Variants in WIPF2 observed in about 807,000 individuals in gnomAD.
WIPF2 encodes the protein WAS/WASL-interacting protein family member 2.
In WIPF2, 23 loss-of-function variants were observed where a neutral mutation model predicts 38.8. The ratio of observed to expected loss-of-function variants is 0.59; its 90% CI spans 0.43 to 0.84. WIPF2 has a LOEUF of 0.84. WIPF2 is among the 40% of genes least tolerant of loss of function. The pLI, the probability that WIPF2 is intolerant of heterozygous loss-of-function variation, is 0.00. For missense variants in WIPF2, 574 were observed against 580.5 expected (o/e 0.99, Z 0.11); for synonymous variants, 210 against 223.2 (o/e 0.94, Z 0.53).
rs1443177155 is a variant in WIPF2 at position 40,256,410 on chromosome 17, G to A, written c.-50G>A. On this transcript the variant is annotated 5_prime_UTR_variant, in exon 2 of 8. Transcript: ENST00000323571. ...TTGCAGGTATATGAATGACCTAAAG[G>A]TACAAATAAAGACGGAGAGAGAACA... 6.3e-7 allele frequency: 1 copy of A among 1,586,242 alleles called. No homozygotes were observed. Among genetic ancestry groups the A allele is most frequent in the Non-Finnish European group, 8.5e-7 (1 of 1,171,182 alleles).
chr17:40,242,178 G>T (rs917894805), intron 1 of WIPF2, among the ~76,000 whole-genome samples: 2 of 152,158 alleles, frequency 1.3e-5, no homozygotes, highest in East Asian at 1.9e-4. Flanking sequence ...AGGAGTTTGA[G>T]ACTGGCCTGA....
chr17:40,271,929 C>G (rs1454207144), intron 5 of WIPF2, among the ~76,000 whole-genome samples: 1 of 152,014 alleles, frequency 6.6e-6, no homozygotes, highest in Non-Finnish European at 1.5e-5. Flanking sequence ...TTTGACGTTA[C>G]CTTCTACTTG....
intron 3 of WIPF2, among the ~76,000 whole-genome samples, chr17:40,261,682 G>GTTT (rs929999985): frequency 2.8e-5 from 4 of 142,540 alleles, no homozygotes; most frequent in African/African-American, 7.9e-5. Context: ...TTTTTTTTTG[G>GTTT]TTTTTTTTGT....
At chr17:40,271,989 A>G (rs1223462775) in intron 5 of WIPF2, among the ~76,000 whole-genome samples, 1 of 152,116 alleles carries the variant, frequency 6.6e-6, no homozygotes, top group East Asian at 1.9e-4. Flanking sequence ...GGAATCACCA[A>G]AAAGCAGATT....
intron 1 of WIPF2, among the ~76,000 whole-genome samples, chr17:40,236,053 T>C (rs2030955841): frequency 6.7e-6 from 1 of 148,554 alleles, no homozygotes; most frequent in Non-Finnish European, 1.5e-5. Context: ...CCGCCTCCCA[T>C]ATTCAAGCGA....
intron 5 of WIPF2, among the ~76,000 whole-genome samples, chr17:40,265,497 C>CA (rs979330248): frequency 6.6e-6 from 1 of 152,070 alleles, no homozygotes; most frequent in Non-Finnish European, 1.5e-5. Flanking sequence ...GAAAATTTGA[C>CA]AAAGACCTTA....
chr17:40,255,442 CAG>C (rs1241756152), intron 1 of WIPF2, among the ~76,000 whole-genome samples: 6 of 151,838 alleles, frequency 4.0e-5, no homozygotes, highest in Non-Finnish European at 5.9e-5. Context: ...TCTCCTGCCT[CAG>C]CCTCCCGAGT....
rs528401568 is a variant in WIPF2 at position 40,277,723 on chromosome 17, C to CTTTTTTTTTTTTTTTTTTTTTTTTTTTTT, written c.1283-443_1283-442insTTTTTTTTTTTTTTTTTTTTTTTTTTTTT. Among the ~76,000 whole-genome samples the CTTTTTTTTTTTTTTTTTTTTTTTTTTTTT allele has an allele frequency of 7.9e-4, 77 of 97,606 alleles. 10 individuals carry two copies. The highest frequency in any genetic ancestry group is 2.8e-3 in the African/African-American group (51 of 17,934). 64.0% of individuals were successfully genotyped at this position (97,606 alleles called of 152,430 possible). A position where few individuals can be genotyped will look rare whatever the true frequency, so the allele number is the denominator to read the frequency against. ...ATTGCTTCTCATCATCTTCGTTGTC[C>CTTTTTTTTTTTTTTTTTTTTTTTTTTTTT]TTTTTTTTTTTTTTTTTTTGAGATA... is the stretch of plus-strand genomic sequence containing the variant. On this transcript the variant is annotated intron_variant, in intron 7 of 7. Coordinates refer to ENST00000323571, the MANE Select transcript of WIPF2 (RefSeq NM_133264.5).
chr17:40,230,761 T>A lies in WIPF2; in HGVS notation c.-70+11269T>A, dbSNP rs1411198158. On this transcript the variant is annotated intron_variant, in intron 1 of 7. Coordinates refer to ENST00000323571, the MANE Select transcript of WIPF2 (RefSeq NM_133264.5). ...GTGTTTAAAAAAAGAAAAAACTTAT[T>A]TACTGTTAGGGAATGTTGACTGTTT... Among the ~76,000 whole-genome samples the A allele has an allele frequency of 2.0e-5, 3 of 152,184 alleles. No homozygotes were observed. In the East Asian group the frequency reaches 5.8e-4, roughly 29 times the overall value.
chr17:40,281,375 C>T lies in WIPF2; in HGVS notation c.*3150C>T, dbSNP rs945818546. On this transcript the variant is annotated 3_prime_UTR_variant, in exon 8 of 8. Transcript: ENST00000323571. ...AAATGAGCTAGATGCCCCTCTTCCT[C>T]TTCTCTGGTCACTGAACCTGGACCA... 6.6e-6 allele frequency: 1 copy of T among 152,236 alleles called. No homozygotes were observed. The highest frequency in any genetic ancestry group is 2.4e-5 in the African/African-American group (1 of 41,450). The allele number at this position is 152,236 out of a possible 1,614,324, so 9.4% of individuals were successfully genotyped here. A position where few individuals can be genotyped will look rare whatever the true frequency, so the allele number is the denominator to read the frequency against.
In WIPF2 at chr17:40,278,602, G is replaced by T. The variant is rs114166965; in HGVS notation, c.*377G>T. ...ACTCCTTCCTTCTCCTGTCCACTGT[G>T]GGGGAAGCTTGGCAGGTATATTATA... On this transcript the variant is annotated 3_prime_UTR_variant, in exon 8 of 8. Coordinates refer to ENST00000323571, the MANE Select transcript of WIPF2 (RefSeq NM_133264.5). 3 of 204,256 alleles carry T rather than the reference G, an allele frequency of 1.5e-5. No individual in the cohort carries two copies. Among genetic ancestry groups the T allele is most frequent in the African/African-American group, 4.6e-5 (2 of 43,376 alleles). The allele number at this position is 204,256 out of a possible 1,614,324, so 12.7% of individuals were successfully genotyped here.
intron 6 of WIPF2, among the ~76,000 whole-genome samples, chr17:40,275,739 A>C (rs983819782): frequency 6.6e-6 from 1 of 151,504 alleles, no homozygotes; most frequent in East Asian, 1.9e-4. Context: ...CTAATTTTGT[A>C]TTTTTTTTGT....
chr17:40,272,511 A>G (rs1044687744), intron 5 of WIPF2, among the ~76,000 whole-genome samples: 3 of 152,214 alleles, frequency 2.0e-5, no homozygotes, highest in African/African-American at 4.8e-5. Flanking sequence ...TCTGCTGTAT[A>G]TATTTTGAAA....
intron 5 of WIPF2, among the ~76,000 whole-genome samples, chr17:40,265,733 A>C (rs747047290): frequency 1.1e-4 from 16 of 152,186 alleles, no homozygotes; most frequent in South Asian, 8.3e-4. Flanking sequence ...GATTTTGCAA[A>C]GACCTTGGAT....
At chr17:40,234,439 AC>A (rs1452615584) in intron 1 of WIPF2, among the ~76,000 whole-genome samples, 8 of 151,700 alleles carry the variant, frequency 5.3e-5, no homozygotes, top group South Asian at 4.1e-4. Flanking sequence ...CTCAAAACAA[AC>A]AAACAAACAA....
In WIPF2 at chr17:40,274,014, A is replaced by G; in HGVS notation, c.1180+15A>G. 5.9e-6 allele frequency: 9 copies of G among 1,517,582 alleles called. No individual in the cohort carries two copies. The highest frequency in any genetic ancestry group is 8.0e-6 in the Non-Finnish European group (9 of 1,131,708). The allele number at this position is 1,517,582 out of a possible 1,614,324, so 94.0% of individuals were successfully genotyped here. ...GTCTTTCTTGGGTGAGTAGCTAGCT[A>G]TCTGTAGTCTCATGGTTCCTGCGGT... is the stretch of plus-strand genomic sequence containing the variant. On this transcript the variant is annotated intron_variant, in intron 6 of 7. Coordinates refer to ENST00000323571, the MANE Select transcript of WIPF2 (RefSeq NM_133264.5).
intron 1 of WIPF2, among the ~76,000 whole-genome samples, chr17:40,242,416 T>C (rs1026151267): frequency 5.3e-5 from 8 of 152,040 alleles, no homozygotes; most frequent in African/African-American, 1.9e-4. Context: ...TTGTTGTTGT[T>C]GTTGGTTTGT....
intron 4 of WIPF2, among the ~76,000 whole-genome samples, chr17:40,263,491 A>G (rs1042448918): frequency 1.3e-5 from 2 of 149,050 alleles, no homozygotes; most frequent in African/African-American, 5.0e-5. Flanking sequence ...TACTTAATGT[A>G]TATTTCAAAA....
intron 1 of WIPF2, among the ~76,000 whole-genome samples, chr17:40,250,207 G>A (rs569396011): frequency 7.5e-6 from 1 of 133,444 alleles, no homozygotes; most frequent in Non-Finnish European, 1.6e-5. Flanking sequence ...TGTGCAAAGC[G>A]AATTTTATCA....
Sources: gnomAD v4.1 joint callset for allele counts (sites outside exome capture counted in the v4.1 genomes callset) on GRCh38, gnomAD v4.1.1 for gene constraint, MANE v1.5 for transcripts, NCBI Gene and HGNC (gene_info 2026-07-23, HGNC 2026-07-21) for gene names.